Variants in LRMDA observed in about 807,000 individuals in gnomAD.
LRMDA encodes the protein leucine-rich melanocyte differentiation-associated protein.
LRMDA carries 18 observed loss-of-function variants against 29.8 expected under a neutral mutation model. The observed-to-expected ratio is 0.60, with a 90% confidence interval of 0.42 to 0.90. LRMDA has a LOEUF of 0.90. Among genes scored for constraint, LRMDA ranks in the 40% least tolerant of loss-of-function variants. The probability of loss-of-function intolerance (pLI) is 0.00; values close to 1 mark genes in which losing one functional copy is unlikely to be tolerated. For missense variants in LRMDA, 273 were observed against 273.9 expected (o/e 1.00, Z 0.02); for synonymous variants, 125 against 109.4 (o/e 1.14, Z -0.89).
chr10:75,602,462 G>A (rs907971292), intron 2 of LRMDA, among the ~76,000 whole-genome samples: 1 of 152,082 alleles, frequency 6.6e-6, no homozygotes, highest in Non-Finnish European at 1.5e-5. Context: ...TAGAGAGGTC[G>A]GCCAGCCATA....
intron 2 of LRMDA, among the ~76,000 whole-genome samples, chr10:75,930,410 G>A (rs1051029266): frequency 3.3e-5 from 5 of 152,012 alleles, no homozygotes; most frequent in African/African-American, 9.7e-5. Context: ...GCATAGATTG[G>A]TGCAGCCATT....
intron 5 of LRMDA, among the ~76,000 whole-genome samples, chr10:76,314,420 C>G (rs1256258060): frequency 6.6e-6 from 1 of 152,202 alleles, no homozygotes; most frequent in African/African-American, 2.4e-5. Flanking sequence ...TTTTCTCCAT[C>G]ACTTTAAGTT....
chr10:76,506,015 C>G lies in LRMDA; in HGVS notation c.602-51194C>G, dbSNP rs527338629. On this transcript the variant is annotated intron_variant, in intron 6 of 6. Transcript: ENST00000611255. ...TGGATTTTTGCCCCTTCTCTAGGAG[C>G]TATTTGGGGCCAGGAACTGTCCCTG... is the stretch of plus-strand genomic sequence containing the variant. Among the ~76,000 whole-genome samples the G allele has an allele frequency of 5.3e-5, 8 of 152,250 alleles. No individual in the cohort carries two copies. In the South Asian group the frequency reaches 1.7e-3, roughly 32 times the overall value.
chr10:75,441,595 C>T (rs966691903), intron 2 of LRMDA, among the ~76,000 whole-genome samples: 13 of 152,270 alleles, frequency 8.5e-5, no homozygotes, highest in Middle Eastern at 3.4e-3. Flanking sequence ...TAATTAGGGT[C>T]AGGCCTCCTG....
At chr10:76,216,226 T>A (rs1851726531) in intron 5 of LRMDA, among the ~76,000 whole-genome samples, 1 of 152,154 alleles carries the variant, frequency 6.6e-6, no homozygotes, top group Non-Finnish European at 1.5e-5. Context: ...CATGGTGGCA[T>A]GTGCCTGTTG....
At chr10:75,759,102 A>G (rs1843065741) in intron 2 of LRMDA, among the ~76,000 whole-genome samples, 1 of 152,220 alleles carries the variant, frequency 6.6e-6, no homozygotes, top group Non-Finnish European at 1.5e-5. Context: ...GTGTGTACAC[A>G]CATCTATAAA....
intron 2 of LRMDA, among the ~76,000 whole-genome samples, chr10:75,481,188 G>A (rs1844852554): frequency 1.3e-5 from 2 of 152,162 alleles, no homozygotes; most frequent in African/African-American, 4.8e-5. Context: ...CATGGGAGTG[G>A]AGAGTGGATG....
intron 2 of LRMDA, among the ~76,000 whole-genome samples, chr10:75,690,506 G>T (rs560679654): frequency 6.6e-6 from 1 of 152,160 alleles, no homozygotes; most frequent in African/African-American, 2.4e-5. Flanking sequence ...TTTAAAGACA[G>T]GGTCTTGCTA....
intron 2 of LRMDA, among the ~76,000 whole-genome samples, chr10:75,471,350 T>C (rs1844724145): frequency 6.6e-6 from 1 of 152,080 alleles, no homozygotes; most frequent in Non-Finnish European, 1.5e-5. Context: ...AAGAGCCGTG[T>C]CTCACCCTGC....
chr10:76,410,876 G>C (rs1841953959), intron 6 of LRMDA, among the ~76,000 whole-genome samples: 1 of 152,028 alleles, frequency 6.6e-6, no homozygotes, highest in South Asian at 2.1e-4. Context: ...AACCCTGGAG[G>C]CAGAGGCTGC....
At chr10:75,748,388 C>G (rs576453033) in intron 2 of LRMDA, among the ~76,000 whole-genome samples, 15 of 152,330 alleles carry the variant, frequency 9.8e-5, no homozygotes, top group African/African-American at 3.1e-4. Context: ...ACCCCCATGC[C>G]TGGCCTGTTT....
chr10:75,599,011 G>A (rs1178895075), intron 2 of LRMDA, among the ~76,000 whole-genome samples: 6 of 152,132 alleles, frequency 3.9e-5, no homozygotes, highest in Non-Finnish European at 8.8e-5. Context: ...GGTGGGGGCA[G>A]GGGCAAGGGA....
At chr10:75,527,648 T>C (rs979631251) in intron 2 of LRMDA, among the ~76,000 whole-genome samples, 3 of 148,272 alleles carry the variant, frequency 2.0e-5, no homozygotes, top group Non-Finnish European at 4.5e-5. Flanking sequence ...GAATATGTAA[T>C]ATACTGTATA....
chr10:76,481,155 A>T (rs1842729829), intron 6 of LRMDA, among the ~76,000 whole-genome samples: 1 of 151,966 alleles, frequency 6.6e-6, no homozygotes, highest in Admixed American at 6.6e-5. Flanking sequence ...CTACAATTCT[A>T]TTAAATGATA....
chr10:76,129,357 T>A (rs1324954588), intron 5 of LRMDA, among the ~76,000 whole-genome samples: 1 of 152,200 alleles, frequency 6.6e-6, no homozygotes, highest in Non-Finnish European at 1.5e-5. Flanking sequence ...ACTCTCCTAC[T>A]TCTGGCCAGG....
intron 6 of LRMDA, among the ~76,000 whole-genome samples, chr10:76,326,319 G>A (rs1281905783): frequency 6.6e-6 from 1 of 152,146 alleles, no homozygotes; most frequent in Non-Finnish European, 1.5e-5. Flanking sequence ...AAGTGAGAAA[G>A]CCATTATTTT....
chr10:75,480,412 G>C (rs1844839844), intron 2 of LRMDA, among the ~76,000 whole-genome samples: 1 of 150,646 alleles, frequency 6.6e-6, no homozygotes, highest in South Asian at 2.1e-4. Flanking sequence ...AACAGGTACT[G>C]GGTAGTCACT....
intron 2 of LRMDA, among the ~76,000 whole-genome samples, chr10:75,992,802 C>T (rs1357189236): frequency 6.6e-6 from 1 of 152,098 alleles, no homozygotes; most frequent in Non-Finnish European, 1.5e-5. Flanking sequence ...AAGACCTGGT[C>T]ATTGTATTCC....
chr10:75,616,912 A>G (rs1176968588), intron 2 of LRMDA, among the ~76,000 whole-genome samples: 1 of 152,200 alleles, frequency 6.6e-6, no homozygotes, highest in Non-Finnish European at 1.5e-5. Flanking sequence ...TCCTCTTTGC[A>G]GTTTCAGTGG....
Sources: gnomAD v4.1 joint callset for allele counts (sites outside exome capture counted in the v4.1 genomes callset) on GRCh38, gnomAD v4.1.1 for gene constraint, MANE v1.5 for transcripts, NCBI Gene and HGNC (gene_info 2026-07-23, HGNC 2026-07-21) for gene names.